CYSLTR1: variants seen among roughly 807,000 people sequenced by gnomAD.
The protein encoded by CYSLTR1 is cysteinyl leukotriene receptor 1.
CYSLTR1 carries 1 observed loss-of-function variant against 2.1 expected under a neutral mutation model. That is an observed-to-expected ratio of 0.48 (90% CI 0.17 to 2.28). The LOEUF (loss-of-function observed/expected upper bound fraction) is 2.28. CYSLTR1 is among the 30% of genes most tolerant of loss of function. The pLI is 0.26. For missense variants in CYSLTR1, 299 were observed against 250.1 expected (o/e 1.20, Z -1.32); for synonymous variants, 110 against 89.6 (o/e 1.23, Z -1.28).
At chrX:78,296,546 A>C (rs1000825946) in intron 1 of CYSLTR1, among the ~76,000 whole-genome samples, 1 of 111,828 alleles carries the variant, frequency 8.9e-6, no homozygotes, top group Non-Finnish European at 1.9e-5. Context: ...ATATCTTTCT[A>C]TTTTTTGGTA....
intron 1 of CYSLTR1, among the ~76,000 whole-genome samples, chrX:78,288,578 C>T (rs1444208306): frequency 1.8e-5 from 2 of 110,570 alleles, no homozygotes; most frequent in Admixed American, 1.9e-4. Context: ...TTTTTCATTT[C>T]TGTGGGGACA....
intron 1 of CYSLTR1, among the ~76,000 whole-genome samples, chrX:78,296,830 C>T (rs762158821): frequency 9.0e-6 from 1 of 111,671 alleles, no homozygotes; most frequent in South Asian, 3.7e-4. Context: ...ATTATATCAT[C>T]TGCAAACAAG....
At chrX:78,316,900 A>G (rs757825966) in intron 1 of CYSLTR1, among the ~76,000 whole-genome samples, 186 of 112,110 alleles carry the variant, frequency 1.7e-3, no homozygotes, top group Non-Finnish European at 3.0e-3. Flanking sequence ...ATAACATTGG[A>G]AAAATTCTTC....
chrX:78,281,489 T>G lies in CYSLTR1; in HGVS notation c.-28+1965A>C, dbSNP rs757931841. On this transcript the variant is annotated intron_variant, in intron 2 of 2. Transcript: ENST00000373304. ...GGTTTCATCATGTTGGCCAGGCTGG[T>G]CTTGAACTCCTGACCTCTGGTTATC... 7.2e-4 allele frequency among the ~76,000 whole-genome samples: 80 copies of G among 110,609 alleles called. 3 individuals carry two copies. In the Admixed American group the frequency reaches 7.6e-3, roughly 11 times the overall value.
intron 1 of CYSLTR1, among the ~76,000 whole-genome samples, chrX:78,325,614 T>G (rs1276431763): frequency 1.8e-5 from 2 of 111,552 alleles, no homozygotes; most frequent in Non-Finnish European, 3.8e-5. Flanking sequence ...ACCCCGTTTC[T>G]CTCCCATTGA....
intron 2 of CYSLTR1, among the ~76,000 whole-genome samples, chrX:78,281,165 C>G (rs1304424911): frequency 9.0e-6 from 1 of 110,717 alleles, no homozygotes; most frequent in Non-Finnish European, 1.9e-5. Flanking sequence ...TGCCACACTA[C>G]TTTCTACAAT....
chrX:78,326,476 C>A (rs1024806806), intron 1 of CYSLTR1, among the ~76,000 whole-genome samples: 5 of 111,934 alleles, frequency 4.5e-5, no homozygotes, highest in Non-Finnish European at 9.4e-5. Flanking sequence ...AATCAGAATA[C>A]TGGAAAGCAG....
intron 2 of CYSLTR1, among the ~76,000 whole-genome samples, chrX:78,276,494 CAGAT>C (rs896753272): frequency 6.3e-5 from 7 of 110,709 alleles, no homozygotes; most frequent in African/African-American, 2.3e-4. Context: ...GATACAGAAA[CAGAT>C]AGCTATGGTA....
Position 78,316,606 on chromosome X carries a change from T to C in CYSLTR1, c.-115+10699A>G, listed in dbSNP as rs765346642. On this transcript the variant is annotated intron_variant, in intron 1 of 2. Coordinates refer to ENST00000373304, the MANE Select transcript of CYSLTR1 (RefSeq NM_006639.4). ...GTGGGTGAGGCCTTTCACTACCAGC[T>C]ATCCCCCACTTCTCTTGTGAACTAT... Among the ~76,000 whole-genome samples the C allele has an allele frequency of 5.4e-5, 6 of 111,906 alleles. No homozygotes were observed. In the South Asian group the frequency reaches 1.8e-3, roughly 35 times the overall value.
intron 1 of CYSLTR1, among the ~76,000 whole-genome samples, chrX:78,302,509 A>G (rs951575519): frequency 9.0e-6 from 1 of 111,580 alleles, no homozygotes; most frequent in African/African-American, 3.3e-5. Context: ...TAGCCACCAC[A>G]GCTGATAATG....
chrX:78,307,020 A>G (rs1171116740), intron 1 of CYSLTR1, among the ~76,000 whole-genome samples: 1 of 112,194 alleles, frequency 8.9e-6, no homozygotes, highest in African/African-American at 3.2e-5. Flanking sequence ...GTGACTTTTC[A>G]ACCTCTGTTT....
intron 1 of CYSLTR1, among the ~76,000 whole-genome samples, chrX:78,302,041 C>T (rs998646402): frequency 1.1e-4 from 12 of 111,910 alleles, no homozygotes; most frequent in Admixed American, 3.8e-4. Flanking sequence ...AAAGACCCAA[C>T]CCCGTGATTC....
chrX:78,272,824 G>T lies in CYSLTR1; in HGVS notation c.923C>A (p.Thr308Lys). ...SGGNFRKRLS[T>K]FRKHSLSSVT... Reference sequence around the variant, plus strand: ...GCTGGACAAAGAATGCTTTCTGAATGTAGACAGCCTTTTCCTAAAGTTACC... The same window carrying T: ...GCTGGACAAAGAATGCTTTCTGAATTTAGACAGCCTTTTCCTAAAGTTACC... Residue 308 changes from threonine to lysine, a missense_variant, in exon 3 of 3, where the codon ACA becomes AAA. Transcript: ENST00000373304. 1.7e-6 allele frequency: 2 copies of T among 1,210,661 alleles called. No individual in the cohort carries two copies. Among genetic ancestry groups the T allele is most frequent in the Non-Finnish European group, 2.2e-6 (2 of 894,897 alleles).
At chrX:78,280,533 G>C (rs750916145) in intron 2 of CYSLTR1, among the ~76,000 whole-genome samples, 4 of 106,098 alleles carry the variant, frequency 3.8e-5, no homozygotes, top group Non-Finnish European at 7.8e-5. Context: ...GTTGGGGGGG[G>C]GGTAAGAATG....
intron 1 of CYSLTR1, among the ~76,000 whole-genome samples, chrX:78,297,619 C>T (rs962633184): frequency 3.6e-5 from 4 of 111,017 alleles, no homozygotes; most frequent in African/African-American, 9.8e-5. Flanking sequence ...GTAGGTTGCA[C>T]GTGTCTAGCA....
At chrX:78,294,786 C>A (rs1245514674) in intron 1 of CYSLTR1, among the ~76,000 whole-genome samples, 2 of 112,774 alleles carry the variant, frequency 1.8e-5, no homozygotes, top group Non-Finnish European at 3.8e-5. Context: ...ACCTGCCGAG[C>A]TAGGCACATG....
intron 1 of CYSLTR1, among the ~76,000 whole-genome samples, chrX:78,313,374 C>A (rs1288417776): frequency 9.0e-6 from 1 of 111,010 alleles, no homozygotes; most frequent in Non-Finnish European, 1.9e-5. Context: ...ATGTTCCCTA[C>A]CTGGGTGTTG....
At chrX:78,288,014 C>T (rs1236117373) in intron 1 of CYSLTR1, among the ~76,000 whole-genome samples, 2 of 108,201 alleles carry the variant, frequency 1.8e-5, no homozygotes, top group East Asian at 3.0e-4. Context: ...TTAGTTCTCT[C>T]AGAAAAAAAC....
chrX:78,301,521 G>C (rs1182410866), intron 1 of CYSLTR1, among the ~76,000 whole-genome samples: 1 of 112,044 alleles, frequency 8.9e-6, no homozygotes, highest in Non-Finnish European at 1.9e-5. Flanking sequence ...CTAAAACATA[G>C]CAAGAGTCAC....
Sources: allele counts gnomAD v4.1 joint callset (sites outside exome capture counted in the v4.1 genomes callset), GRCh38; gene constraint gnomAD v4.1.1; transcripts MANE v1.5; gene names NCBI Gene and HGNC (gene_info 2026-07-23, HGNC 2026-07-21).